Variants in LHPP observed in about 807,000 individuals in gnomAD.
LHPP encodes the protein hLHPP.
Under a neutral mutation model 30.3 loss-of-function variants are expected in LHPP, and 24 were observed. The observed-to-expected ratio is 0.79, with a 90% CI of 0.57 to 1.11. LHPP has a LOEUF of 1.11. LHPP is among the 50% of genes most tolerant of loss of function. LHPP has a pLI of 0.00. For synonymous variants in LHPP, 150 were observed against 157.1 expected (o/e 0.95, Z 0.34); for missense variants, 356 against 367.2 (o/e 0.97, Z 0.25).
intron 6 of LHPP, among the ~76,000 whole-genome samples, chr10:124,575,887 G>A (rs1948652438): frequency 6.6e-6 from 1 of 152,226 alleles, no homozygotes; most frequent in Admixed American, 6.5e-5. Flanking sequence ...GCAGGGGCAT[G>A]AGGTGCCTGG....
chr10:124,501,896 G>T (rs1201150447), intron 5 of LHPP, among the ~76,000 whole-genome samples: 1 of 151,864 alleles, frequency 6.6e-6, no homozygotes. Context: ...TGACTTGTGT[G>T]TCGTTTTTAT....
At chr10:124,548,731 A>G (rs928475430) in intron 6 of LHPP, among the ~76,000 whole-genome samples, 1 of 152,144 alleles carries the variant, frequency 6.6e-6, no homozygotes. Context: ...GGGCAGGTGG[A>G]TCTTCGAGAA....
intron 1 of LHPP, among the ~76,000 whole-genome samples, chr10:124,467,677 A>C (rs770883764): frequency 1.3e-5 from 2 of 148,582 alleles, no homozygotes; most frequent in Non-Finnish European, 3.0e-5. Flanking sequence ...ATACCTCCAC[A>C]TGCAGGTTTT....
At chr10:124,580,664 A>G (rs988848472) in intron 6 of LHPP, among the ~76,000 whole-genome samples, 8 of 150,964 alleles carry the variant, frequency 5.3e-5, no homozygotes, top group African/African-American at 1.5e-4. Flanking sequence ...TAATGTTTTT[A>G]TTATATTCAT....
At chr10:124,515,598 G>A (rs1393249377) in intron 5 of LHPP, among the ~76,000 whole-genome samples, 1 of 152,186 alleles carries the variant, frequency 6.6e-6, no homozygotes. Flanking sequence ...TGCCCATAAA[G>A]AATTTCGAAC....
intron 6 of LHPP, among the ~76,000 whole-genome samples, chr10:124,561,466 C>G (rs186645005): frequency 6.6e-6 from 1 of 151,976 alleles, no homozygotes; most frequent in Non-Finnish European, 1.5e-5. Flanking sequence ...TCCCACTGGA[C>G]GGGCAGCATC....
At position 124,555,788 on chromosome 10, in the gene LHPP, A is replaced by G. The variant is rs553031103; in HGVS notation, c.716+38517A>G. Among the ~76,000 whole-genome samples, 355 of 151,940 alleles carry G rather than the reference A, an allele frequency of 2.3e-3. 5 individuals carry two copies. Among genetic ancestry groups the G allele is most frequent in the Non-Finnish European group, 4.0e-4 (27 of 67,920 alleles). On this transcript the variant is annotated intron_variant, in intron 6 of 6. Coordinates refer to ENST00000368842, the MANE Select transcript of LHPP (RefSeq NM_022126.4). ...AATATAATAGTTTGCATTTTTTCTT[A>G]TTGATAATAAAACCACTGACATTAT...
intron 6 of LHPP, among the ~76,000 whole-genome samples, chr10:124,575,599 C>T (rs1189822827): frequency 2.6e-5 from 4 of 152,142 alleles, no homozygotes; most frequent in Middle Eastern, 3.2e-3. Flanking sequence ...ACTCCTACCT[C>T]AGCACTTTGG....
At chr10:124,591,089 G>A (rs1328992261) in intron 6 of LHPP, among the ~76,000 whole-genome samples, 2 of 152,222 alleles carry the variant, frequency 1.3e-5, no homozygotes, top group Non-Finnish European at 2.9e-5. Flanking sequence ...ATAAGCCGGG[G>A]GGAAGGGGGC....
At chr10:124,554,162 A>T (rs193127676) in intron 6 of LHPP, 102 of 543,742 alleles carry the variant, frequency 1.9e-4, no homozygotes, top group Non-Finnish European at 2.3e-4. Context: ...CCTAAGACTC[A>T]GTTTATTATG....
intron 6 of LHPP, 126 bp from the exon 7 acceptor site, chr10:124,613,138 C>A: frequency 1.3e-6 from 1 of 758,030 alleles, no homozygotes; most frequent in Non-Finnish European, 2.3e-6. Context: ...ACGGGCCAGG[C>A]TGCCTGGCAG....
chr10:124,593,205 A>G lies in LHPP; in HGVS notation c.717-20059A>G, dbSNP rs1051821699. On this transcript the variant is annotated intron_variant, in intron 6 of 6. Coordinates refer to ENST00000368842, the MANE Select transcript of LHPP (RefSeq NM_022126.4). This position sits in a 1 kb window ranked among gnomAD's most constrained non-coding sequence, Gnocchi z 4.9. ...GTCCCTGGATTGCAAGTCCAGACAG[A>G]AGAGAGCGTCCTGGGAAGCCAGCTG... Among the ~76,000 whole-genome samples, 1 of 129,092 alleles carries G rather than the reference A, an allele frequency of 7.7e-6. No individual in the cohort carries two copies. Among genetic ancestry groups the G allele is most frequent in the African/African-American group, 2.8e-5 (1 of 35,108 alleles). The allele number at this position is 129,092 out of a possible 152,430, so 84.7% of individuals were successfully genotyped here. A position where few individuals can be genotyped will look rare whatever the true frequency, so the allele number is the denominator to read the frequency against.
At chr10:124,518,916 C>T (rs1045537275) in intron 6 of LHPP, among the ~76,000 whole-genome samples, 4 of 152,280 alleles carry the variant, frequency 2.6e-5, no homozygotes, top group Non-Finnish European at 5.9e-5. Context: ...CACTGTCTCC[C>T]GGAGAGAGAG....
chr10:124,606,891 T>C (rs1949102483), intron 6 of LHPP, among the ~76,000 whole-genome samples: 1 of 152,228 alleles, frequency 6.6e-6, no homozygotes, highest in African/African-American at 2.4e-5. Context: ...CCTGCCCCTG[T>C]TCCTGTGTCC....
intron 1 of LHPP, among the ~76,000 whole-genome samples, chr10:124,476,877 G>C (rs1246793938): frequency 2.0e-5 from 3 of 152,144 alleles, no homozygotes; most frequent in Admixed American, 2.0e-4. Context: ...CTGAAAATTA[G>C]ACAGTGGCTA....
At chr10:124,465,716 C>T (rs1020883482) in intron 1 of LHPP, among the ~76,000 whole-genome samples, 5 of 151,874 alleles carry the variant, frequency 3.3e-5, no homozygotes, top group African/African-American at 9.7e-5. Flanking sequence ...CATATGCCAC[C>T]GTGCCCAGCT....
chr10:124,515,268 G>A (rs1326957195), intron 5 of LHPP, among the ~76,000 whole-genome samples: 1 of 152,212 alleles, frequency 6.6e-6, no homozygotes, highest in East Asian at 1.9e-4. Context: ...TTCCTCTGCG[G>A]TATCTCTTCT....
chr10:124,520,423 C>T (rs891847844), intron 6 of LHPP, among the ~76,000 whole-genome samples: 2 of 152,064 alleles, frequency 1.3e-5, no homozygotes, highest in African/African-American at 2.4e-5. Context: ...GTGGGGAGCA[C>T]GTGCGGCCAC....
intron 6 of LHPP, among the ~76,000 whole-genome samples, chr10:124,582,634 T>C (rs1459445332): frequency 6.6e-6 from 1 of 152,184 alleles, no homozygotes; most frequent in East Asian, 1.9e-4. Context: ...CATAAACAAT[T>C]GGTTAACACA....
Sources: gnomAD v4.1 joint callset for allele counts (sites outside exome capture counted in the v4.1 genomes callset) on GRCh38, gnomAD v4.1.1 for gene constraint, Gnocchi (gnomAD v3.1) non-coding constraint, MANE v1.5 for transcripts, NCBI Gene and HGNC (gene_info 2026-07-23, HGNC 2026-07-21) for gene names.